Variants in ROBO2 observed in about 807,000 individuals in gnomAD.
ROBO2 encodes the protein roundabout homolog 2.
In ROBO2, 53 loss-of-function variants were observed where a neutral mutation model predicts 160.8. The observed-to-expected ratio is 0.33, with a 90% CI of 0.26 to 0.41. ROBO2 has a LOEUF of 0.41. Among genes scored for constraint, ROBO2 ranks in the 10% least tolerant of loss-of-function variants. The probability of loss-of-function intolerance (pLI) is 1.00; values close to 1 mark genes in which losing one functional copy is unlikely to be tolerated. For missense variants in ROBO2, 1,577 were observed against 1,722.4 expected (o/e 0.92, Z 1.49); for synonymous variants, 664 against 611.7 (o/e 1.09, Z -1.26).
At chr3:77,625,469 T>TC (rs1018667761) in intron 23 of ROBO2, among the ~76,000 whole-genome samples, 2 of 151,742 alleles carry the variant, frequency 1.3e-5, no homozygotes. Flanking sequence ...CCTATCCCTC[T>TC]CGGGTTCAAG....
intron 2 of ROBO2, among the ~76,000 whole-genome samples, chr3:77,263,576 G>T (rs2058919844): frequency 6.6e-6 from 1 of 152,140 alleles, no homozygotes; most frequent in African/African-American, 2.4e-5. Flanking sequence ...CCCTACAAAG[G>T]ATATAATCGC....
At chr3:77,347,950 C>G (rs1021961948) in intron 2 of ROBO2, among the ~76,000 whole-genome samples, 26 of 152,272 alleles carry the variant, frequency 1.7e-4, no homozygotes, top group African/African-American at 4.1e-4. Context: ...ACTACCGTCT[C>G]TAGCTTTACT....
chr3:77,279,919 A>C (rs567348519), intron 2 of ROBO2, among the ~76,000 whole-genome samples: 8 of 152,166 alleles, frequency 5.3e-5, no homozygotes, highest in Non-Finnish European at 8.8e-5. Context: ...AAAAGTGGCA[A>C]GAATACCTTG....
At chr3:76,047,240 G>A (rs542654910) in intron 2 of ROBO2, among the ~76,000 whole-genome samples, 1 of 152,060 alleles carries the variant, frequency 6.6e-6, no homozygotes, top group Non-Finnish European at 1.5e-5. Flanking sequence ...AGTGTACAAA[G>A]GTTGAACTTG....
intron 2 of ROBO2, among the ~76,000 whole-genome samples, chr3:76,208,258 C>G (rs1175233683): frequency 6.6e-6 from 1 of 152,088 alleles, no homozygotes; most frequent in Non-Finnish European, 1.5e-5. Context: ...TCTGAGTGAT[C>G]AAGATTAGAA....
intron 2 of ROBO2, among the ~76,000 whole-genome samples, chr3:76,709,189 G>A (rs1485922545): frequency 6.6e-6 from 1 of 152,198 alleles, no homozygotes; most frequent in Admixed American, 6.6e-5. Flanking sequence ...CCCCAAGGGA[G>A]AATCTAGAGA....
At chr3:76,375,289 A>G (rs2076288525) in intron 2 of ROBO2, among the ~76,000 whole-genome samples, 1 of 151,958 alleles carries the variant, frequency 6.6e-6, no homozygotes, top group Non-Finnish European at 1.5e-5. Context: ...GTCAATGTTC[A>G]AGGATAGGAC....
At chr3:76,946,718 G>A (rs1435923553) in intron 2 of ROBO2, among the ~76,000 whole-genome samples, 1 of 152,116 alleles carries the variant, frequency 6.6e-6, no homozygotes, top group African/African-American at 2.4e-5. Context: ...GATTACAGAC[G>A]TGAGCCACTG....
At chr3:76,187,267 G>C (rs1158669182) in intron 2 of ROBO2, among the ~76,000 whole-genome samples, 1 of 151,898 alleles carries the variant, frequency 6.6e-6, no homozygotes, top group Non-Finnish European at 1.5e-5. Context: ...TTGTTTGCTT[G>C]TTTTTGTTTT....
chr3:76,086,392 TC>T (rs780105279), intron 2 of ROBO2, among the ~76,000 whole-genome samples: 3 of 152,086 alleles, frequency 2.0e-5, no homozygotes, highest in Non-Finnish European at 4.4e-5. Context: ...GAACTACAGT[TC>T]AATATGAGAT....
chr3:77,489,058 A>G (rs2153597362), intron 4 of ROBO2, among the ~76,000 whole-genome samples: 1 of 152,314 alleles, frequency 6.6e-6, no homozygotes, highest in South Asian at 2.1e-4. Context: ...CAGTTTAGAG[A>G]TAATTGTTAG....
intron 2 of ROBO2, among the ~76,000 whole-genome samples, chr3:76,333,695 T>A (rs1047655099): frequency 6.6e-6 from 1 of 152,196 alleles, no homozygotes; most frequent in African/African-American, 2.4e-5. Flanking sequence ...AAAAGAAGCC[T>A]AGCTTCATAG....
intron 2 of ROBO2, among the ~76,000 whole-genome samples, chr3:76,629,221 C>T (rs149709816): frequency 3.5e-4 from 54 of 152,256 alleles, no homozygotes; most frequent in African/African-American, 1.3e-3. Flanking sequence ...CACCCAAAAT[C>T]CACACTGTTC....
chr3:76,318,800 A>G, intron 2 of ROBO2, among the ~76,000 whole-genome samples: 1 of 152,076 alleles, frequency 6.6e-6, no homozygotes, highest in Non-Finnish European at 1.5e-5. Flanking sequence ...ATGGGGAAAA[A>G]ATATAAAGTT....
At chr3:76,572,355 G>A (rs1290190754) in intron 2 of ROBO2, among the ~76,000 whole-genome samples, 3 of 152,068 alleles carry the variant, frequency 2.0e-5, no homozygotes, top group African/African-American at 7.2e-5. Context: ...CTGAGGTAGG[G>A]TGGTTGTTTT....
At chr3:76,637,655 C>T (rs929287707) in intron 2 of ROBO2, among the ~76,000 whole-genome samples, 1 of 152,088 alleles carries the variant, frequency 6.6e-6, no homozygotes, top group Non-Finnish European at 1.5e-5. Flanking sequence ...TTTTATATAA[C>T]TCAGTGAAAG....
intron 2 of ROBO2, among the ~76,000 whole-genome samples, chr3:76,102,917 C>T (rs576505023): frequency 3.9e-5 from 6 of 152,002 alleles, no homozygotes; most frequent in East Asian, 3.9e-4. Context: ...CTCTGCCTCC[C>T]GGGTTCACGC....
At chr3:76,933,721 A>G (rs2077500806) in intron 2 of ROBO2, among the ~76,000 whole-genome samples, 1 of 152,190 alleles carries the variant, frequency 6.6e-6, no homozygotes, top group South Asian at 2.1e-4. Context: ...TGACACTTTA[A>G]ATTGATGAGG....
At chr3:77,475,241 G>A (rs1484263041) in intron 2 of ROBO2, among the ~76,000 whole-genome samples, 1 of 152,142 alleles carries the variant, frequency 6.6e-6, no homozygotes, top group East Asian at 1.9e-4. Context: ...TACTCTCTGG[G>A]TGAATAGTCT....
Sources: allele counts gnomAD v4.1 joint callset (sites outside exome capture counted in the v4.1 genomes callset), GRCh38; gene constraint gnomAD v4.1.1; transcripts MANE v1.5; gene names NCBI Gene and HGNC (gene_info 2026-07-23, HGNC 2026-07-21).